Variants in DYSF observed in about 807,000 individuals in gnomAD.
DYSF encodes the protein dysferlin.
Under a neutral mutation model 274.9 loss-of-function variants are expected in DYSF, and 212 were observed. The ratio of observed to expected loss-of-function variants is 0.77; its 90% CI spans 0.69 to 0.86. DYSF has a LOEUF of 0.86. DYSF is among the 40% of genes least tolerant of loss of function. The probability of loss-of-function intolerance (pLI) is 0.00; values close to 1 mark genes in which losing one functional copy is unlikely to be tolerated. For synonymous variants in DYSF, 1,091 were observed against 1,078.7 expected, an observed-to-expected ratio of 1.01 and a Z score of -0.22; for missense variants, 2,666 against 2,783.2, an observed-to-expected ratio of 0.96 and a Z score of 0.95.
intron 26 of DYSF, 57 bp from the exon 27 acceptor site, chr2:71,569,759 GTAGA>G: frequency 2.1e-6 from 3 of 1,426,618 alleles, no homozygotes; most frequent in Non-Finnish European, 2.0e-6. Context: ...CCAGGAGGTG[GTAGA>G]TGGATGGGGG....
chr2:71,627,227 C>A (rs777024642), intron 41 of DYSF, among the ~76,000 whole-genome samples: 12 of 151,676 alleles, frequency 7.9e-5, no homozygotes, highest in Non-Finnish European at 1.5e-4. Context: ...ACATTTAAGG[C>A]TCTAAAATTC....
At position 71,615,405 on chromosome 2, in the gene DYSF, T is replaced by TG. The variant is rs1328285328; in HGVS notation, c.4464+2000dup. 6.6e-6 allele frequency among the ~76,000 whole-genome samples: 1 copy of TG among 152,020 alleles called. No homozygotes were observed. The highest frequency in any genetic ancestry group is 1.5e-5 in the Non-Finnish European group (1 of 67,992). ...AGGAAATGACACTGATTTGCTCTGATGGGGGAGGCTTGGACCTTGCCCTCA... is the reference window on the plus strand; with the variant it reads ...AGGAAATGACACTGATTTGCTCTGATGGGGGGAGGCTTGGACCTTGCCCTCA... On this transcript the variant is annotated intron_variant, in intron 40 of 55. Transcript: ENST00000410020. The surrounding 1 kb of genome is among the most constrained non-coding windows in gnomAD (Gnocchi z 4.9).
intron 40 of DYSF, among the ~76,000 whole-genome samples, chr2:71,618,039 GGT>G (rs140078695): frequency 0.31 from 15,595 of 49,714 alleles, 3,825 homozygotes; most frequent in East Asian, 0.55. Context: ...TGGTAGAGAT[GGT>G]GTGTGTGTGT....
intron 42 of DYSF, among the ~76,000 whole-genome samples, chr2:71,652,283 T>C (rs1276444343): frequency 6.6e-6 from 1 of 152,186 alleles, no homozygotes; most frequent in Non-Finnish European, 1.5e-5. Context: ...TTCTAACCAT[T>C]TCAATGTCAA....
At chr2:71,532,571 C>A (rs1218408449) in intron 14 of DYSF, among the ~76,000 whole-genome samples, 2 of 152,122 alleles carry the variant, frequency 1.3e-5, no homozygotes, top group Non-Finnish European at 2.9e-5. Flanking sequence ...GGCAGATGGA[C>A]CAGCTGCTGT....
intron 24 of DYSF, among the ~76,000 whole-genome samples, chr2:71,566,234 G>A (rs1044523061): frequency 2.6e-5 from 4 of 151,042 alleles, no homozygotes; most frequent in Non-Finnish European, 5.9e-5. Context: ...GGGGCGGGGC[G>A]GGGGGTGCTG....
chr2:71,486,559 G>A (rs920830517), intron 3 of DYSF, among the ~76,000 whole-genome samples: 1 of 152,062 alleles, frequency 6.6e-6, no homozygotes. Flanking sequence ...GGGTGATCTT[G>A]TTAAACCAGA....
intron 43 of DYSF, among the ~76,000 whole-genome samples, chr2:71,657,907 A>G (rs774012190): frequency 2.0e-5 from 3 of 152,092 alleles, no homozygotes; most frequent in Non-Finnish European, 2.9e-5. Flanking sequence ...CATTTTCCCC[A>G]TGGTCTTGGG....
chr2:71,614,272 C>T (rs926361200), intron 40 of DYSF, among the ~76,000 whole-genome samples: 1 of 152,214 alleles, frequency 6.6e-6, no homozygotes, highest in Non-Finnish European at 1.5e-5. Context: ...TGGTCATACC[C>T]CTGGCACCCT....
intron 32 of DYSF, among the ~76,000 whole-genome samples, chr2:71,595,315 C>T (rs1283691992): frequency 1.3e-5 from 2 of 152,154 alleles, no homozygotes; most frequent in African/African-American, 4.8e-5. Context: ...TATTGGCAGG[C>T]GATCCCACCC....
At chr2:71,549,463 T>A in intron 17 of DYSF, 1 of 1,472,908 alleles carries the variant, frequency 6.8e-7, no homozygotes, top group Admixed American at 1.8e-5. Context: ...GCGAGGGTGC[T>A]GGAGGCATGG....
At position 71,598,684 on chromosome 2, in the gene DYSF, C is replaced by T. The variant is rs150942486; in HGVS notation, c.3695C>T (p.Pro1232Leu). Residue 1232 changes from proline (P) to leucine (L), a missense_variant, in exon 33 of 56, where the codon CCG becomes CTG. Around this residue, in one of 3 missense-constraint regions of DYSF, gnomAD observed 1,460 missense variants for 1,502.1 expected, o/e 0.97. Transcript: ENST00000410020. ...IFYEIEIFGE[P>L]ATVAEQPPSI... ...TACGAGATCGAGATCTTTGGCGAGCCGGCCACAGTTGCTGAGCAACCGCCC... is the reference window on the plus strand; with the variant it reads ...TACGAGATCGAGATCTTTGGCGAGCTGGCCACAGTTGCTGAGCAACCGCCC... 385 of 1,613,990 alleles carry T rather than the reference C, an allele frequency of 2.4e-4. 1 individual carries two copies. Among genetic ancestry groups the T allele is most frequent in the Middle Eastern group, 1.3e-3 (8 of 6,062 alleles).
intron 1 of DYSF, among the ~76,000 whole-genome samples, chr2:71,480,018 A>AT (rs1336430523): frequency 1.3e-5 from 2 of 152,164 alleles, no homozygotes; most frequent in African/African-American, 4.8e-5. Flanking sequence ...ATTCCAGAAC[A>AT]TTTTTGTCAC....
chr2:71,481,983 GA>G lies in DYSF; in HGVS notation c.239+14del. On this transcript the variant is annotated intron_variant, in intron 3 of 55. Transcript: ENST00000410020. The stretch of plus-strand genomic sequence containing the variant: ...TGGGGAGGAACAGGTAAGGTGGCCA[GA>G]GGGGGGTGCTCCATGGCTTGAAGGT... 1.2e-6 allele frequency: 2 copies of G among 1,610,994 alleles called. No individual in the cohort carries two copies. The highest frequency in any genetic ancestry group is 1.7e-6 in the Non-Finnish European group (2 of 1,177,476).
At position 71,682,650 on chromosome 2, in the gene DYSF, C is replaced by A. The variant is rs754852745; in HGVS notation, c.6294C>A (p.Phe2098Leu). ...LFIILFILLL[F>L]LAIFIYAFPN... ...TCATCCTCTTCATCCTGCTGCTGTT[C>A]CTGGCCATCTTCATCTACGCCTTCC... The change falls in exon 55 of 56, where the codon TTC becomes TTA. Residue 2098 changes from phenylalanine to leucine, a missense_variant. This residue lies in a region of DYSF where 1,460 missense variants were observed against 1,502.1 expected (regional missense o/e 0.97). Transcript: ENST00000410020. 6.2e-7 allele frequency: 1 copy of A among 1,614,160 alleles called. No homozygotes were observed. The highest frequency in any genetic ancestry group is 2.2e-5 in the East Asian group (1 of 44,876).
At chr2:71,641,669 G>C (rs1468995941) in intron 41 of DYSF, among the ~76,000 whole-genome samples, 1 of 151,990 alleles carries the variant, frequency 6.6e-6, no homozygotes, top group Non-Finnish European at 1.5e-5. Flanking sequence ...GACAGGCTTA[G>C]CTACAACTCG....
chr2:71,680,998 C>T lies in DYSF; in HGVS notation c.6064-3C>T. On this transcript the variant is annotated splice_polypyrimidine_tract_variant and splice_region_variant and intron_variant, in intron 53 of 55. Transcript: ENST00000410020. ...CCTAACCAAGTGCTCTCTGTCCCCTCAGGGCAAGCTGGAAATGACCTTGGA... is the reference window on the plus strand; with the variant it reads ...CCTAACCAAGTGCTCTCTGTCCCCTTAGGGCAAGCTGGAAATGACCTTGGA... 1 of 1,614,052 alleles carries T rather than the reference C, an allele frequency of 6.2e-7. No individual in the cohort carries two copies. The highest frequency in any genetic ancestry group is 2.2e-5 in the East Asian group (1 of 44,878).
intron 3 of DYSF, among the ~76,000 whole-genome samples, chr2:71,486,800 T>C (rs2083403670): frequency 6.6e-6 from 1 of 152,190 alleles, no homozygotes; most frequent in Non-Finnish European, 1.5e-5. Flanking sequence ...TGGAAGACAC[T>C]CAGGCAAACC....
intron 17 of DYSF, among the ~76,000 whole-genome samples, chr2:71,546,047 GT>G (rs67233940): frequency 0.021 from 3,249 of 152,348 alleles, 110 homozygotes; most frequent in African/African-American, 0.07. Flanking sequence ...AGTTAAACTT[GT>G]GCATCCAACT....
Sources: gnomAD v4.1 joint callset for allele counts (sites outside exome capture counted in the v4.1 genomes callset) on GRCh38, gnomAD v4.1.1 for gene constraint, gnomAD v4.1.1 regional missense constraint, Gnocchi (gnomAD v3.1) non-coding constraint, MANE v1.5 for transcripts, NCBI Gene and HGNC (gene_info 2026-07-23, HGNC 2026-07-21) for gene names.